Variants in CHSY3 observed in about 807,000 individuals in gnomAD.
The protein encoded by CHSY3 is chondroitin sulfate synthase 3.
CHSY3 carries 35 observed loss-of-function variants against 67.2 expected under a neutral mutation model. The ratio of observed to expected loss-of-function variants is 0.52; its 90% CI spans 0.40 to 0.69. CHSY3 has a LOEUF of 0.69. Among genes scored for constraint, CHSY3 ranks in the 30% least tolerant of loss-of-function variants. The pLI is 0.00. For missense variants in CHSY3, 1,069 were observed against 1,138.5 expected, an observed-to-expected ratio of 0.94 and a Z score of 0.88; for synonymous variants, 474 against 434.7, an observed-to-expected ratio of 1.09 and a Z score of -1.12.
At chr5:130,037,160 C>T (rs1055626682) in intron 2 of CHSY3, among the ~76,000 whole-genome samples, 7 of 152,072 alleles carry the variant, frequency 4.6e-5, no homozygotes, top group Non-Finnish European at 7.4e-5. Flanking sequence ...GAAAGAGGCA[C>T]CTTTGAGACA....
chr5:130,095,081 A>G (rs1026392299), intron 2 of CHSY3, among the ~76,000 whole-genome samples: 5 of 152,138 alleles, frequency 3.3e-5, no homozygotes, highest in Non-Finnish European at 5.9e-5. Context: ...TACTATAATT[A>G]TATATACATA....
intron 2 of CHSY3, among the ~76,000 whole-genome samples, chr5:130,109,493 T>G (rs965192391): frequency 6.6e-6 from 1 of 151,702 alleles, no homozygotes; most frequent in Non-Finnish European, 1.5e-5. Flanking sequence ...TAGAAGCTAA[T>G]TTCAGCAAGG....
intron 2 of CHSY3, among the ~76,000 whole-genome samples, chr5:130,037,337 C>T (rs1465748298): frequency 1.3e-5 from 2 of 152,088 alleles, no homozygotes; most frequent in African/African-American, 2.4e-5. Context: ...ACCCTCAGCC[C>T]CCTCTTGCCA....
intron 2 of CHSY3, among the ~76,000 whole-genome samples, chr5:130,030,260 G>A (rs1323247632): frequency 2.6e-5 from 4 of 152,078 alleles, no homozygotes; most frequent in Non-Finnish European, 5.9e-5. Flanking sequence ...GTTATATGAT[G>A]TTTTGCCAGT....
rs1044022100 is a variant in CHSY3, at chr5:129,956,039, G to A, written c.1086+47679G>A. On this transcript the variant is annotated intron_variant, in intron 2 of 2. Coordinates refer to ENST00000305031, the MANE Select transcript of CHSY3 (RefSeq NM_175856.5). ...CATAGAACAATTTATATTCCTTTGG[G>A]TATATGATCAGTAATGGGATTGCTG... Among the ~76,000 whole-genome samples, 25 of 152,148 alleles carry A rather than the reference G, an allele frequency of 1.6e-4. 1 individual carries two copies. Among genetic ancestry groups the A allele is most frequent in the Admixed American group, 6.6e-4 (10 of 15,262 alleles).
chr5:130,069,135 GAAGAGGCAAAACAGTGC>G (rs561959196), intron 2 of CHSY3, among the ~76,000 whole-genome samples: 4 of 152,170 alleles, frequency 2.6e-5, no homozygotes, highest in African/African-American at 9.6e-5. Flanking sequence ...GAATGTTACT[GAAGAGGCAAAACAGTGC>G]AAGTTCAGGC....
At chr5:130,075,111 C>T (rs1054755717) in intron 2 of CHSY3, among the ~76,000 whole-genome samples, 1 of 151,938 alleles carries the variant, frequency 6.6e-6, no homozygotes, top group Non-Finnish European at 1.5e-5. Flanking sequence ...ACTTTTTTTC[C>T]AAGAACAGAG....
At chr5:129,946,856 A>G (rs1219534874) in intron 2 of CHSY3, among the ~76,000 whole-genome samples, 1 of 152,208 alleles carries the variant, frequency 6.6e-6, no homozygotes, top group East Asian at 1.9e-4. Context: ...CCGTTTATAT[A>G]TCTTGCCTAT....
intron 2 of CHSY3, among the ~76,000 whole-genome samples, chr5:130,169,689 GAA>G (rs34736549): frequency 2.7e-5 from 4 of 147,760 alleles, no homozygotes; most frequent in South Asian, 2.1e-4. Context: ...TGGGAGCACA[GAA>G]AAAAAAAAAA....
chr5:130,071,304 T>G (rs1324537456), intron 2 of CHSY3, among the ~76,000 whole-genome samples: 1 of 152,026 alleles, frequency 6.6e-6, no homozygotes, highest in Non-Finnish European at 1.5e-5. Context: ...TGCCTGGACT[T>G]TTACGTTTAT....
intron 2 of CHSY3, among the ~76,000 whole-genome samples, chr5:130,023,359 C>T (rs1764447056): frequency 6.6e-6 from 1 of 151,984 alleles, no homozygotes; most frequent in South Asian, 2.1e-4. Flanking sequence ...AAGAAGGGAC[C>T]ATAACCTAGA....
intron 2 of CHSY3, among the ~76,000 whole-genome samples, chr5:130,134,505 A>G (rs975576320): frequency 6.6e-6 from 1 of 152,132 alleles, no homozygotes; most frequent in Admixed American, 6.6e-5. Context: ...ATAGCATTCC[A>G]TATGCATATG....
chr5:130,056,918 CTTTTTTTTTTT>C (rs58326964), intron 2 of CHSY3, among the ~76,000 whole-genome samples: 4 of 56,128 alleles, frequency 7.1e-5, no homozygotes, highest in Admixed American at 2.9e-4. Flanking sequence ...GCATTTCTTT[CTTTTTTTTTTT>C]TTTTTTTTTT....
chr5:130,151,770 GC>G (rs1561560684), intron 2 of CHSY3, among the ~76,000 whole-genome samples: 1 of 152,118 alleles, frequency 6.6e-6, no homozygotes, highest in East Asian at 1.9e-4. Context: ...GGGGGTAACC[GC>G]CCCCATGATT....
chr5:129,982,973 A>C (rs931025166), intron 2 of CHSY3, among the ~76,000 whole-genome samples: 1 of 152,000 alleles, frequency 6.6e-6, no homozygotes, highest in Non-Finnish European at 1.5e-5. Context: ...ATTTGTAGTT[A>C]ATGTTCTTGA....
chr5:130,117,975 G>A (rs937279384), intron 2 of CHSY3, among the ~76,000 whole-genome samples: 4 of 152,214 alleles, frequency 2.6e-5, no homozygotes, highest in Admixed American at 1.3e-4. Context: ...CCATCCCTTC[G>A]GTTAGTGAGT....
At chr5:130,153,389 C>T (rs772354170) in intron 2 of CHSY3, among the ~76,000 whole-genome samples, 1 of 151,962 alleles carries the variant, frequency 6.6e-6, no homozygotes, top group Non-Finnish European at 1.5e-5. Flanking sequence ...CCATTCTGAC[C>T]TCTGATGTTT....
chr5:130,107,636 T>A (rs968126071), intron 2 of CHSY3, among the ~76,000 whole-genome samples: 2 of 151,682 alleles, frequency 1.3e-5, no homozygotes, highest in African/African-American at 2.4e-5. Flanking sequence ...TAGTATTACA[T>A]GTTTATTGTC....
intron 2 of CHSY3, among the ~76,000 whole-genome samples, chr5:130,115,751 C>A (rs145120732): frequency 3.3e-5 from 5 of 152,144 alleles, no homozygotes; most frequent in African/African-American, 4.8e-5. Context: ...AAAAACAAAG[C>A]GCATGTAATC....
Sources: gnomAD v4.1 joint callset for allele counts (sites outside exome capture counted in the v4.1 genomes callset) on GRCh38, gnomAD v4.1.1 for gene constraint, MANE v1.5 for transcripts, NCBI Gene and HGNC (gene_info 2026-07-23, HGNC 2026-07-21) for gene names.